Variants in FANCE observed in about 807,000 individuals in gnomAD.
The protein encoded by FANCE is Fanconi anemia group E protein.
Under a neutral mutation model 57.8 loss-of-function variants are expected in FANCE, and 42 were observed. That is an observed-to-expected ratio of 0.73 (90% CI 0.57 to 0.94). FANCE has a LOEUF of 0.94. FANCE is among the 40% of genes least tolerant of loss of function. The pLI is 0.00. For synonymous variants in FANCE, 251 were observed against 286.4 expected (o/e 0.88, Z 1.25); for missense variants, 608 against 661.8 (o/e 0.92, Z 0.89).
At chr6:35,461,764 C>T (rs1328130824) in intron 8 of FANCE, among the ~76,000 whole-genome samples, 4 of 151,858 alleles carry the variant, frequency 2.6e-5, no homozygotes, top group Non-Finnish European at 4.4e-5. Flanking sequence ...TCTCCTGCCT[C>T]AGCCTCCCGA....
chr6:35,452,358 G>C lies in FANCE; in HGVS notation c.-188G>C. 1.9e-6 allele frequency: 1 copy of C among 538,282 alleles called. No homozygotes were observed. The highest frequency in any genetic ancestry group is 2.7e-6 in the Non-Finnish European group (1 of 367,456). 33.3% of individuals were successfully genotyped at this position (538,282 alleles called of 1,614,324 possible). ...TCCCTCCTTCCCTTTCCGACAGCGC[G>C]GGAACGGCTGCGGCTTCGGGCGGCC... On this transcript the variant is annotated 5_prime_UTR_variant, in exon 1 of 10. Transcript: ENST00000229769.
chr6:35,461,996 A>G (rs12173925), intron 8 of FANCE, among the ~76,000 whole-genome samples: 8,665 of 151,766 alleles, frequency 0.057, 351 homozygotes, highest in East Asian at 0.14. Context: ...AAAAGGGGAG[A>G]TATAATATTA....
intron 1 of FANCE, among the ~76,000 whole-genome samples, chr6:35,455,489 T>A (rs1465886108): frequency 6.6e-6 from 1 of 152,078 alleles, no homozygotes; most frequent in African/African-American, 2.4e-5. Context: ...TGTATTTTTT[T>A]TAGTAGAGAC....
At chr6:35,461,937 G>A (rs952360003) in intron 8 of FANCE, among the ~76,000 whole-genome samples, 1 of 151,580 alleles carries the variant, frequency 6.6e-6, no homozygotes. Context: ...GTGAGCCACC[G>A]TGCCCAGCCC....
intron 4 of FANCE, 140 bp from the exon 5 acceptor site, chr6:35,458,157 C>A: frequency 2.3e-6 from 3 of 1,322,112 alleles, no homozygotes; most frequent in Non-Finnish European, 3.2e-6. Flanking sequence ...TGGTTCCTTC[C>A]CCTAGGGCAG....
chr6:35,452,355 C>G lies in FANCE; in HGVS notation c.-191C>G, dbSNP rs1767134742. Reference sequence around the variant, plus strand: ...GCCTCCCTCCTTCCCTTTCCGACAGCGCGGGAACGGCTGCGGCTTCGGGCG... The same window carrying G: ...GCCTCCCTCCTTCCCTTTCCGACAGGGCGGGAACGGCTGCGGCTTCGGGCG... On this transcript the variant is annotated 5_prime_UTR_variant, in exon 1 of 10. Transcript: ENST00000229769. The G allele has an allele frequency of 1.9e-6, 1 of 522,672 alleles. No individual in the cohort carries two copies. Among genetic ancestry groups the G allele is most frequent in the Admixed American group, 4.7e-5 (1 of 21,168 alleles). The allele number at this position is 522,672 out of a possible 1,614,324, so 32.4% of individuals were successfully genotyped here.
At position 35,455,836 on chromosome 6, in the gene FANCE, G is replaced by C. The variant is rs780304950; in HGVS notation, c.338G>C (p.Gly113Ala). ...MAVRPSLPESGLLSVLQIAQQ... is the reference protein window; with the variant it reads ...MAVRPSLPESALLSVLQIAQQ... ...GTTCGGCCATCGCTGCCGGAAAGTGGGCTCCTCTCTGTGCTGCAGATTGCC... is the reference window on the plus strand; with the variant it reads ...GTTCGGCCATCGCTGCCGGAAAGTGCGCTCCTCTCTGTGCTGCAGATTGCC... Residue 113 changes from glycine to alanine, a missense_variant, in exon 2 of 10, where the codon GGG becomes GCG. Coordinates refer to ENST00000229769, the MANE Select transcript of FANCE (RefSeq NM_021922.3). The C allele has an allele frequency of 1.9e-6, 3 of 1,614,174 alleles. No homozygotes were observed. The Admixed American group carries it at 5.0e-5, about 27-fold the overall frequency.
intron 5 of FANCE, 144 bp downstream of exon 5, chr6:35,458,584 C>A: frequency 9.9e-7 from 1 of 1,009,866 alleles, no homozygotes; most frequent in Non-Finnish European, 1.5e-6. Context: ...GGAAAGGATG[C>A]CTGCTTAACT....
chr6:35,466,229 T>C lies in FANCE; in HGVS notation c.1510-15T>C, dbSNP rs1473508333. On this transcript the variant is annotated splice_polypyrimidine_tract_variant and intron_variant, in intron 9 of 9. Transcript: ENST00000229769. ...CAGTTGCTGGAGTCCTGACATGATT[T>C]TTCCTTCTCCCCAGATCACTGAGAC... 5.8e-6 allele frequency: 9 copies of C among 1,564,014 alleles called. No individual in the cohort carries two copies. The highest frequency in any genetic ancestry group is 1.1e-5 in the South Asian group (1 of 90,112).
rs1431151928 is a variant in FANCE, at chr6:35,457,897, A to G, written c.901-19A>G. On this transcript the variant is annotated intron_variant, in intron 3 of 9. Coordinates refer to ENST00000229769, the MANE Select transcript of FANCE (RefSeq NM_021922.3). ...CACTGAGGGCTCTGCCAGCCCTAAC[A>G]TGAGATTTGTCTCCCCAGGGGTTAG... The G allele has an allele frequency of 6.2e-7, 1 of 1,611,276 alleles. No homozygotes were observed. The highest frequency in any genetic ancestry group is 8.5e-7 in the Non-Finnish European group (1 of 1,177,490).
chr6:35,453,718 A>G (rs1396624729), intron 1 of FANCE, among the ~76,000 whole-genome samples: 2 of 152,190 alleles, frequency 1.3e-5, no homozygotes, highest in Non-Finnish European at 2.9e-5. Flanking sequence ...TTTTCTTCCT[A>G]CACTCCACTT....
In FANCE at chr6:35,455,822, G is replaced by A. The variant is rs762826105; in HGVS notation, c.324G>A (p.Ser108=). 20 of 1,614,030 alleles carry A rather than the reference G, an allele frequency of 1.2e-5. No homozygotes were observed. The highest frequency in any genetic ancestry group is 3.3e-5 in the Admixed American group (2 of 60,006). The change falls in exon 2 of 10, where the codon TCG becomes TCA. Residue 108 remains serine, a synonymous_variant. Transcript: ENST00000229769. ...CCCTGCTGATGGCCGTTCGGCCATCGCTGCCGGAAAGTGGGCTCCTCTCTG... is the reference window on the plus strand; with the variant it reads ...CCCTGCTGATGGCCGTTCGGCCATCACTGCCGGAAAGTGGGCTCCTCTCTG... ...LMSLLMAVRP[S]LPESGLLSVL... is the part of the protein sequence containing the mutation.
chr6:35,454,735 A>T (rs938162567), intron 1 of FANCE, among the ~76,000 whole-genome samples: 3 of 152,262 alleles, frequency 2.0e-5, no homozygotes, highest in Non-Finnish European at 4.4e-5. Flanking sequence ...CCAAAACAAA[A>T]GATCCTCATC....
chr6:35,461,601 C>G (rs1767590329), intron 8 of FANCE, among the ~76,000 whole-genome samples: 1 of 151,798 alleles, frequency 6.6e-6, no homozygotes, highest in African/African-American at 2.4e-5. Context: ...CATATCAGTA[C>G]CTGAAATTCT....
intron 6 of FANCE, 60 bp downstream of exon 6, chr6:35,459,514 C>T: frequency 1.2e-6 from 2 of 1,612,552 alleles, no homozygotes; most frequent in Non-Finnish European, 1.7e-6. Context: ...CAGCATCCTT[C>T]ACCCCAGAGT....
chr6:35,454,654 G>GT (rs1767252837), intron 1 of FANCE, among the ~76,000 whole-genome samples: 1 of 152,220 alleles, frequency 6.6e-6, no homozygotes, highest in Non-Finnish European at 1.5e-5. Flanking sequence ...GGGGAATAGT[G>GT]TTGAATCTAT....
chr6:35,464,725 ATTCT>A (rs1262333927), intron 9 of FANCE, among the ~76,000 whole-genome samples: 10 of 134,508 alleles, frequency 7.4e-5, no homozygotes, highest in East Asian at 2.3e-4. Context: ...TGTGAGAGAT[ATTCT>A]TTTTTTTTTT....
chr6:35,455,678 C>G (rs1767297876), intron 1 of FANCE, 69 bp from the exon 2 acceptor site: 1 of 1,590,466 alleles, frequency 6.3e-7, no homozygotes, highest in Admixed American at 1.7e-5. Flanking sequence ...TAGCCCCCAG[C>G]TCTGCCCAGT....
In FANCE at chr6:35,458,277, C is replaced by T. The variant is rs765193137; in HGVS notation, c.970-20C>T. 4 of 1,612,818 alleles carry T rather than the reference C, an allele frequency of 2.5e-6. No individual in the cohort carries two copies. Among genetic ancestry groups the T allele is most frequent in the East Asian group, 2.2e-5 (1 of 44,886 alleles). On this transcript the variant is annotated intron_variant, in intron 4 of 9. Coordinates refer to ENST00000229769, the MANE Select transcript of FANCE (RefSeq NM_021922.3). ...AGTGCATGTCCCGGTGTCCTCTCTC[C>T]CCCCGCACTCTGTAAGCAGATGGAC... is the stretch of plus-strand genomic sequence containing the variant.
Sources: allele counts gnomAD v4.1 joint callset (sites outside exome capture counted in the v4.1 genomes callset), GRCh38; gene constraint gnomAD v4.1.1; transcripts MANE v1.5; gene names NCBI Gene and HGNC (gene_info 2026-07-23, HGNC 2026-07-21).